Variants in RIN3 observed in about 807,000 individuals in gnomAD.
RIN3 encodes Ras and Rab interactor 3, also known as RAB5 interacting protein 3.
RIN3 carries 54 observed loss-of-function variants against 76.3 expected under a neutral mutation model. The observed-to-expected ratio is 0.71, with a 90% CI of 0.57 to 0.89. The LOEUF is 0.89. Ranked by LOEUF, RIN3 falls within the 40% of genes least tolerant of loss-of-function variation. The pLI is 0.00. For missense variants in RIN3, 1,256 were observed against 1,322.1 expected (o/e 0.95, Z 0.78); for synonymous variants, 576 against 564.0 (o/e 1.02, Z -0.30).
intron 8 of RIN3, among the ~76,000 whole-genome samples, chr14:92,679,315 T>C (rs1413003426): frequency 6.6e-6 from 1 of 152,122 alleles, no homozygotes; most frequent in Non-Finnish European, 1.5e-5. Context: ...GTGTCACACC[T>C]TGCCCATGGC....
chr14:92,541,496 C>T (rs1897132007), intron 1 of RIN3, among the ~76,000 whole-genome samples: 2 of 152,208 alleles, frequency 1.3e-5, no homozygotes, highest in East Asian at 1.9e-4. Context: ...GGCTCAGAAC[C>T]ACTCCATATT....
intron 3 of RIN3, among the ~76,000 whole-genome samples, chr14:92,605,973 T>C (rs1198526757): frequency 2.0e-5 from 3 of 152,122 alleles, no homozygotes; most frequent in Non-Finnish European, 4.4e-5. Flanking sequence ...TGGATAGCAC[T>C]ATTTTATTCT....
chr14:92,597,887 A>G (rs1455850358), intron 3 of RIN3, among the ~76,000 whole-genome samples: 2 of 152,252 alleles, frequency 1.3e-5, no homozygotes, highest in African/African-American at 4.8e-5. Context: ...AAGTAGAATC[A>G]TAATAGCAGT....
At chr14:92,515,402 T>TG (rs1436829325) in intron 1 of RIN3, 2 of 556,872 alleles carry the variant, frequency 3.6e-6, no homozygotes, top group Non-Finnish European at 6.4e-6. Context: ...TCCCCAGAGA[T>TG]GACCTAGTGT....
chr14:92,676,149 A>G (rs2273926), intron 7 of RIN3, among the ~76,000 whole-genome samples: 46,211 of 151,286 alleles, frequency 0.31, 7,554 homozygotes, highest in Non-Finnish European at 0.36. Flanking sequence ...ACGAATAAAT[A>G]TGATGTGAAT....
intron 1 of RIN3, among the ~76,000 whole-genome samples, chr14:92,531,449 A>G (rs1896876935): frequency 1.3e-5 from 2 of 152,368 alleles, no homozygotes; most frequent in African/African-American, 4.8e-5. Flanking sequence ...GCAGGTGGAC[A>G]TAAATGTTAA....
intron 7 of RIN3, among the ~76,000 whole-genome samples, chr14:92,669,749 A>G (rs1168486559): frequency 6.6e-6 from 1 of 152,160 alleles, no homozygotes. Context: ...TGATTTTGCA[A>G]ATAGTTTTAT....
intron 1 of RIN3, among the ~76,000 whole-genome samples, chr14:92,548,281 A>C (rs1483588010): frequency 6.6e-6 from 1 of 152,024 alleles, no homozygotes; most frequent in Non-Finnish European, 1.5e-5. Context: ...AGAAGCGTAG[A>C]CTCTGGAGCC....
At chr14:92,581,096 C>T (rs1898420467) in intron 3 of RIN3, among the ~76,000 whole-genome samples, 1 of 152,166 alleles carries the variant, frequency 6.6e-6, no homozygotes, top group South Asian at 2.1e-4. Context: ...TATGCAGCAC[C>T]CTCTGATGAC....
intron 8 of RIN3, among the ~76,000 whole-genome samples, chr14:92,678,983 C>T (rs1030524701): frequency 6.6e-6 from 1 of 152,186 alleles, no homozygotes; most frequent in African/African-American, 2.4e-5. Context: ...TATGGACTTG[C>T]GTCCCCCACC....
chr14:92,561,125 ATATT>A (rs1566843356), intron 2 of RIN3, among the ~76,000 whole-genome samples: 2 of 107,156 alleles, frequency 1.9e-5, no homozygotes, highest in South Asian at 3.0e-4. Context: ...ATATTTATAT[ATATT>A]TATATTTATA....
chr14:92,543,086 C>T (rs932044540), intron 1 of RIN3, among the ~76,000 whole-genome samples: 6 of 152,158 alleles, frequency 3.9e-5, no homozygotes, highest in South Asian at 2.1e-4. Context: ...TGTTAAAAAA[C>T]GAACCACCCT....
intron 8 of RIN3, among the ~76,000 whole-genome samples, chr14:92,680,341 A>AG (rs1566902749): frequency 1.3e-5 from 2 of 152,058 alleles, no homozygotes; most frequent in African/African-American, 4.8e-5. Context: ...CTGGGATTAC[A>AG]GGCCTGCGCC....
chr14:92,602,968 G>C (rs1352122580), intron 3 of RIN3, among the ~76,000 whole-genome samples: 2 of 152,210 alleles, frequency 1.3e-5, no homozygotes, highest in Non-Finnish European at 2.9e-5. Context: ...AAGCAGCCTT[G>C]CTTGACCATG....
intron 1 of RIN3, among the ~76,000 whole-genome samples, chr14:92,550,106 G>A (rs11846004): frequency 0.15 from 22,527 of 152,172 alleles, 1,877 homozygotes; most frequent in East Asian, 0.38. Context: ...TGTCATCACA[G>A]CTGTAAAACA....
intron 3 of RIN3, among the ~76,000 whole-genome samples, chr14:92,601,224 A>G (rs953996824): frequency 2.6e-5 from 4 of 152,206 alleles, no homozygotes; most frequent in Non-Finnish European, 5.9e-5. Context: ...TACTATTTCT[A>G]ATGTGGCTAT....
intron 4 of RIN3, among the ~76,000 whole-genome samples, chr14:92,638,069 C>T (rs1886839624): frequency 6.6e-6 from 1 of 152,200 alleles, no homozygotes; most frequent in Non-Finnish European, 1.5e-5. Context: ...ACACCCACGT[C>T]CTGTGTGTGC....
intron 4 of RIN3, among the ~76,000 whole-genome samples, chr14:92,616,326 C>A (rs1885964907): frequency 6.6e-6 from 1 of 152,198 alleles, no homozygotes; most frequent in African/African-American, 2.4e-5. Context: ...GGCACCGTTA[C>A]AGAATTTTGG....
chr14:92,535,715 C>T (rs1265858956), intron 1 of RIN3, among the ~76,000 whole-genome samples: 30 of 144,810 alleles, frequency 2.1e-4, no homozygotes, highest in Admixed American at 2.0e-3. Flanking sequence ...TGCTCTGTCG[C>T]CTAGGCTGGA....
Sources: gnomAD v4.1 joint callset for allele counts (sites outside exome capture counted in the v4.1 genomes callset) on GRCh38, gnomAD v4.1.1 for gene constraint, MANE v1.5 for transcripts, NCBI Gene and HGNC (gene_info 2026-07-23, HGNC 2026-07-21) for gene names.